SGK3: variants seen among roughly 807,000 people sequenced by gnomAD.
SGK3 encodes the protein serine/threonine-protein kinase Sgk3.
Under a neutral mutation model 68.5 loss-of-function variants are expected in SGK3, and 47 were observed. The ratio of observed to expected loss-of-function variants is 0.69; its 90% CI spans 0.54 to 0.87. The LOEUF is 0.87. SGK3 is among the 40% of genes least tolerant of loss of function. The probability of loss-of-function intolerance (pLI) is 0.00; values close to 1 mark genes in which losing one functional copy is unlikely to be tolerated. For missense variants in SGK3, 479 were observed against 575.5 expected (o/e 0.83, Z 1.72); for synonymous variants, 181 against 189.1 (o/e 0.96, Z 0.35).
intron 4 of SGK3, among the ~76,000 whole-genome samples, chr8:66,811,023 T>TTA (rs1808361086): frequency 6.6e-6 from 1 of 152,128 alleles, no homozygotes; most frequent in Admixed American, 6.6e-5. Context: ...TTAACTTTAT[T>TTA]TATATATATG....
intron 1 of SGK3, among the ~76,000 whole-genome samples, chr8:66,743,223 T>A (rs972611081): frequency 1.3e-5 from 2 of 152,216 alleles, no homozygotes; most frequent in African/African-American, 4.8e-5. Flanking sequence ...TAAAAGAAAC[T>A]TGAAAATATC....
chr8:66,797,681 A>T (rs1001364477), intron 2 of SGK3, among the ~76,000 whole-genome samples: 1 of 152,246 alleles, frequency 6.6e-6, no homozygotes, highest in Non-Finnish European at 1.5e-5. Context: ...TATGTGAAAG[A>T]TGACCTAGAA....
chr8:66,812,215 C>T (rs556676014), intron 4 of SGK3, among the ~76,000 whole-genome samples: 2 of 152,142 alleles, frequency 1.3e-5, no homozygotes, highest in South Asian at 2.1e-4. Context: ...AGACATTTGC[C>T]GTTAGGAGAC....
chr8:66,839,498 GATATATATATATATATATATATAT>G (rs58832541), intron 10 of SGK3, among the ~76,000 whole-genome samples: 514 of 41,558 alleles, frequency 0.012, 16 homozygotes, highest in East Asian at 0.066. Context: ...TATGTATGGA[GATATATATATATATATATATATAT>G]ATATATATAT....
chr8:66,831,106 T>G (rs1410079651), intron 7 of SGK3, 148 bp from the exon 8 acceptor site: 1 of 796,684 alleles, frequency 1.3e-6, no homozygotes, highest in South Asian at 1.7e-5. Context: ...GCATGAAAGA[T>G]GAAGTACTCA....
chr8:66,757,801 G>C (rs1361495451), intron 1 of SGK3, among the ~76,000 whole-genome samples: 1 of 150,968 alleles, frequency 6.6e-6, no homozygotes, highest in Non-Finnish European at 1.5e-5. Flanking sequence ...TGTAATCCCA[G>C]CTATTTGGGA....
intron 16 of SGK3, among the ~76,000 whole-genome samples, chr8:66,853,547 A>G (rs1029080481): frequency 2.0e-5 from 3 of 152,200 alleles, no homozygotes; most frequent in African/African-American, 7.2e-5. Context: ...TATTTCTATG[A>G]TGAATGTTTC....
intron 1 of SGK3, among the ~76,000 whole-genome samples, chr8:66,785,718 C>G (rs1201940006): frequency 6.6e-6 from 1 of 152,146 alleles, no homozygotes; most frequent in Non-Finnish European, 1.5e-5. Flanking sequence ...ATTTGGCTGG[C>G]CTTGAAAAGT....
chr8:66,812,260 T>G (rs1364646878), intron 4 of SGK3, among the ~76,000 whole-genome samples: 1 of 152,000 alleles, frequency 6.6e-6, no homozygotes, highest in Non-Finnish European at 1.5e-5. Flanking sequence ...GTTTTTAGAG[T>G]ATATTTCTTA....
At chr8:66,836,271 T>G (rs888162403) in intron 10 of SGK3, among the ~76,000 whole-genome samples, 197 bp downstream of exon 10, 3 of 152,176 alleles carry the variant, frequency 2.0e-5, no homozygotes, top group Non-Finnish European at 4.4e-5. Flanking sequence ...TTGAGAAGGT[T>G]CATAAAAGAA....
chr8:66,795,476 GT>G (rs1315246785), intron 2 of SGK3, among the ~76,000 whole-genome samples: 18 of 152,318 alleles, frequency 1.2e-4, no homozygotes, highest in Admixed American at 9.8e-4. Context: ...GTGTGTGAAA[GT>G]TTTTCTTCCT....
chr8:66,720,795 A>ATATATAT (rs1554590881), intron 1 of SGK3, among the ~76,000 whole-genome samples: 2 of 150,764 alleles, frequency 1.3e-5, no homozygotes, highest in African/African-American at 2.5e-5. Context: ...ATATATATAT[A>ATATATAT]ATTAGCCAGG....
chr8:66,826,817 G>A (rs1809077608), intron 6 of SGK3, among the ~76,000 whole-genome samples: 1 of 151,626 alleles, frequency 6.6e-6, no homozygotes, highest in Non-Finnish European at 1.5e-5. Flanking sequence ...GCTAATTTTT[G>A]TATTTTTGGT....
chr8:66,847,450 CG>C (rs1351001992), intron 15 of SGK3, 102 bp downstream of exon 15: 9 of 1,469,622 alleles, frequency 6.1e-6, no homozygotes, highest in Non-Finnish European at 7.3e-6. Context: ...ATACAATATG[CG>C]GAGAATAGCA....
rs150440508 is a variant in SGK3, at chr8:66,859,427, T to G, written c.1337T>G (p.Ile446Ser). ...ATGTTTTAGGCTGGACCAGATGATA[T>G]CAGAAACTTTGACACAGCATTTACA... Reference protein sequence around the residue: ...FNPNVAGPDDIRNFDTAFTEE... With the variant: ...FNPNVAGPDDSRNFDTAFTEE... The change falls in exon 17 of 17, where the codon ATC becomes AGC. Residue 446 changes from isoleucine (I) to serine (S), a missense_variant. By Grantham distance (142) the Ile-to-Ser change is moderately radical. Transcript: ENST00000521198. The G allele has an allele frequency of 1.3e-3, 2,028 of 1,608,768 alleles. 4 individuals carry two copies. Among genetic ancestry groups the G allele is most frequent in the Admixed American group, 1.4e-3 (83 of 59,960 alleles).
chr8:66,804,747 G>A (rs555811062), intron 4 of SGK3, among the ~76,000 whole-genome samples: 8 of 152,272 alleles, frequency 5.3e-5, no homozygotes, highest in Non-Finnish European at 1.0e-4. Flanking sequence ...AGATAGTAAA[G>A]GGCAGATGTG....
chr8:66,785,562 C>G (rs150599405), intron 1 of SGK3, among the ~76,000 whole-genome samples: 38 of 152,318 alleles, frequency 2.5e-4, no homozygotes, highest in African/African-American at 9.1e-4. Flanking sequence ...CCGCCCGCCA[C>G]TCCCCCACCC....
chr8:66,822,426 A>T lies in SGK3; in HGVS notation c.384A>T (p.Pro128=), dbSNP rs781646437. The T allele has an allele frequency of 1.2e-6, 2 of 1,611,428 alleles. No homozygotes were observed. Among genetic ancestry groups the T allele is most frequent in the Non-Finnish European group, 1.7e-6 (2 of 1,178,682 alleles). Residue 128 remains proline, a synonymous_variant, in exon 6 of 17, where the codon CCA becomes CCT. Coordinates refer to ENST00000521198, the MANE Select transcript of SGK3 (RefSeq NM_001033578.3). The stretch of plus-strand genomic sequence containing the variant: ...ACAGTCCAAAACACCAGTCAGATCC[A>T]TCTGAAGATGAGGATGAAAGAAGTT... ...QMDSPKHQSD[P]SEDEDERSSQ...
At chr8:66,718,823 C>T (rs538071454) in intron 1 of SGK3, among the ~76,000 whole-genome samples, 66 of 152,120 alleles carry the variant, frequency 4.3e-4, no homozygotes, top group African/African-American at 1.5e-3. Flanking sequence ...CCACCGTGCC[C>T]GGCCACATGT....
Sources: allele counts gnomAD v4.1 joint callset (sites outside exome capture counted in the v4.1 genomes callset), GRCh38; gene constraint gnomAD v4.1.1; transcripts MANE v1.5; gene names NCBI Gene and HGNC (gene_info 2026-07-23, HGNC 2026-07-21).